The following MARK4 variants were observed in gnomAD, a reference collection of about 807,000 sequenced individuals.
MARK4 encodes microtubule affinity regulating kinase 4.
In MARK4, 19 loss-of-function variants were observed where a neutral mutation model predicts 81.5. That is an observed-to-expected ratio of 0.23 (90% CI 0.16 to 0.34). MARK4 has a LOEUF of 0.34. MARK4 is among the 10% of genes least tolerant of loss of function. MARK4 has a pLI of 1.00. For synonymous variants in MARK4, 436 were observed against 439.0 expected, an observed-to-expected ratio of 0.99 and a Z score of 0.08; for missense variants, 772 against 1,058.8, an observed-to-expected ratio of 0.73 and a Z score of 3.76.
At chr19:45,254,153 C>T (rs1434135825) in intron 1 of MARK4, among the ~76,000 whole-genome samples, 1 of 152,160 alleles carries the variant, frequency 6.6e-6, no homozygotes, top group Non-Finnish European at 1.5e-5. Context: ...GGCCCCCCAC[C>T]AGGGGGCCAG....
chr19:45,251,539 A>AGCCCCC lies in MARK4; in HGVS notation c.-50_-49insGCCCCC. The AGCCCCC allele has an allele frequency of 3.8e-6, 1 of 263,200 alleles. No homozygotes were observed. The highest frequency in any genetic ancestry group is 3.2e-5 in the South Asian group (1 of 31,382). 16.3% of individuals were successfully genotyped at this position (263,200 alleles called of 1,614,324 possible). On this transcript the variant is annotated 5_prime_UTR_variant, in exon 1 of 17. Coordinates refer to ENST00000262891, the MANE Select transcript of MARK4 (RefSeq NM_001199867.2). ...GGAGGGGAAGAGAGGGGACCCTGGG[A>AGCCCCC]CCCCCGCCCCCCCCACCCGGCCGCC... is the stretch of plus-strand genomic sequence containing the variant.
At chr19:45,269,662 A>C (rs1416926581) in intron 7 of MARK4, among the ~76,000 whole-genome samples, 5 of 152,094 alleles carry the variant, frequency 3.3e-5, no homozygotes, top group African/African-American at 1.2e-4. Context: ...AGAAGGCTGG[A>C]GGCTTCTTCC....
chr19:45,271,385 A>G lies in MARK4; in HGVS notation c.550-87A>G. 2 of 1,343,104 alleles carry G rather than the reference A, an allele frequency of 1.5e-6. No individual in the cohort carries two copies. Among genetic ancestry groups the G allele is most frequent in the Non-Finnish European group, 2.1e-6 (2 of 952,058 alleles). The allele number at this position is 1,343,104 out of a possible 1,614,324, so 83.2% of individuals were successfully genotyped here. ...GAGTTGATCCCTGTGGGCCAGCCCT[A>G]GAGCCTGTGCTCCTGTCTGCCTCCC... On this transcript the variant is annotated intron_variant, in intron 7 of 16. Transcript: ENST00000262891. The surrounding 1 kb of genome is among the most constrained non-coding windows in gnomAD (Gnocchi z 4.1).
chr19:45,251,964 C>T (rs554172140), intron 1 of MARK4, among the ~76,000 whole-genome samples: 26 of 152,086 alleles, frequency 1.7e-4, no homozygotes, highest in South Asian at 6.2e-4. Context: ...AAGCCGTTTC[C>T]CCTCCAGGCC....
rs535197807 is a variant in MARK4 at position 45,255,798 on chromosome 19, C to T, written c.52-3191C>T. On this transcript the variant is annotated intron_variant, in intron 1 of 16. Transcript: ENST00000262891. ...GCCTCTTGGCCTTTCTTCCTCCCCTCCTGTTGTCCTCCTGCTTCCCACTCC... is the reference window on the plus strand; with the variant it reads ...GCCTCTTGGCCTTTCTTCCTCCCCTTCTGTTGTCCTCCTGCTTCCCACTCC... 2.9e-3 allele frequency among the ~76,000 whole-genome samples: 446 copies of T among 152,358 alleles called. 4 individuals carry two copies. Among genetic ancestry groups the T allele is most frequent in the African/African-American group, 0.01 (420 of 41,592 alleles).
intron 16 of MARK4, among the ~76,000 whole-genome samples, chr19:45,301,766 A>G (rs1304535464): frequency 6.7e-6 from 1 of 149,226 alleles, no homozygotes; most frequent in African/African-American, 2.5e-5. Flanking sequence ...TCAGGAGGCT[A>G]TGGCAGGAGA....
chr19:45,262,402 A>G (rs1177481562), intron 2 of MARK4, among the ~76,000 whole-genome samples: 1 of 152,170 alleles, frequency 6.6e-6, no homozygotes, highest in Non-Finnish European at 1.5e-5. Flanking sequence ...CCTAGCACTT[A>G]TCTCACAGGT....
chr19:45,291,529 TC>T (rs746297613), intron 13 of MARK4, among the ~76,000 whole-genome samples: 43 of 152,184 alleles, frequency 2.8e-4, no homozygotes, highest in Non-Finnish European at 5.0e-4. Flanking sequence ...ACGCCTGTAA[TC>T]CCAGCACTTT....
intron 1 of MARK4, among the ~76,000 whole-genome samples, chr19:45,254,884 T>A (rs1970287929): frequency 6.6e-6 from 1 of 152,146 alleles, no homozygotes; most frequent in Non-Finnish European, 1.5e-5. Flanking sequence ...CAGGACTTGG[T>A]CCATAGCATG....
At position 45,302,610 on chromosome 19, in the gene MARK4, C is replaced by T; in HGVS notation, c.2159C>T (p.Pro720Leu). The T allele has an allele frequency of 1.3e-6, 2 of 1,558,872 alleles. No individual in the cohort carries two copies. The highest frequency in any genetic ancestry group is 1.7e-6 in the Non-Finnish European group (2 of 1,159,268). The change falls in exon 17 of 17, where the codon CCC becomes CTC. Residue 720 changes from proline to leucine, a missense_variant. Coordinates refer to ENST00000262891, the MANE Select transcript of MARK4 (RefSeq NM_001199867.2). The surrounding 1 kb of genome is among the most constrained non-coding windows in gnomAD (Gnocchi z 4.9). ...SHFEVEVCQL[P>L]RPGLRGVLFR... is the part of the protein sequence containing the mutation. ...TTCGAAGTGGAGGTCTGCCAGCTGC[C>T]CCGGCCAGGCTTGCGGGGAGTTCTC... is the stretch of plus-strand genomic sequence containing the variant.
At chr19:45,252,644 C>T (rs1599774156) in intron 1 of MARK4, among the ~76,000 whole-genome samples, 1 of 152,282 alleles carries the variant, frequency 6.6e-6, no homozygotes, top group Non-Finnish European at 1.5e-5. Flanking sequence ...TCCTCAGCTA[C>T]AGGGCCTGGC....
chr19:45,260,112 G>C (rs766540070), intron 2 of MARK4, among the ~76,000 whole-genome samples: 4 of 151,628 alleles, frequency 2.6e-5, no homozygotes, highest in Admixed American at 2.6e-4. Context: ...TTAAAAGGCC[G>C]TGCGCGGTGG....
chr19:45,274,353 G>A (rs866604554), intron 8 of MARK4, among the ~76,000 whole-genome samples: 7 of 152,104 alleles, frequency 4.6e-5, no homozygotes, highest in African/African-American at 1.2e-4. Context: ...CCTTCTGGCC[G>A]GGCACGGTGG....
rs1222744789 is a variant in MARK4, at chr19:45,304,901, T to G, written c.*2191T>G. 6.6e-6 allele frequency: 1 copy of G among 152,258 alleles called. No individual in the cohort carries two copies. The highest frequency in any genetic ancestry group is 1.5e-5 in the Non-Finnish European group (1 of 68,126). The allele number at this position is 152,258 out of a possible 1,614,324, so 9.4% of individuals were successfully genotyped here. A position where few individuals can be genotyped will look rare whatever the true frequency, so the allele number is the denominator to read the frequency against. On this transcript the variant is annotated 3_prime_UTR_variant, in exon 17 of 17. Transcript: ENST00000262891. ...TGTGACTTTGTAAGTGTAGAATTGC[T>G]GTGAGGTATGGGGCTAGGGGCGTCA... is the stretch of plus-strand genomic sequence containing the variant.
intron 12 of MARK4, among the ~76,000 whole-genome samples, chr19:45,281,560 C>T (rs1462629653): frequency 6.6e-6 from 1 of 151,900 alleles, no homozygotes; most frequent in African/African-American, 2.4e-5. Flanking sequence ...AGGGTTTCAC[C>T]ATGTTGGCCA....
chr19:45,273,222 T>C (rs1268274403), intron 8 of MARK4, among the ~76,000 whole-genome samples: 1 of 152,136 alleles, frequency 6.6e-6, no homozygotes, highest in African/African-American at 2.4e-5. Context: ...ACACATGGTA[T>C]GTTTCAGGAG....
chr19:45,300,578 G>A (rs1008656382), intron 16 of MARK4, among the ~76,000 whole-genome samples: 5 of 152,128 alleles, frequency 3.3e-5, no homozygotes, highest in Non-Finnish European at 7.3e-5. Context: ...TAGTGCAAAA[G>A]CAGTCATATT....
chr19:45,277,823 T>TTGTGTGTGTGTGTGTGTG (rs58592372), intron 8 of MARK4, 100 bp from the exon 9 acceptor site: 1 of 709,436 alleles, frequency 1.4e-6, no homozygotes, highest in Admixed American at 3.9e-5. Context: ...GGGACAAAGG[T>TTGTGTGTGTGTGTGTGTG]TGTGTGTGTG....
intron 2 of MARK4, among the ~76,000 whole-genome samples, chr19:45,262,580 G>A (rs1055091524): frequency 8.5e-5 from 13 of 152,148 alleles, no homozygotes; most frequent in African/African-American, 2.9e-4. Flanking sequence ...TCAAGGTCTC[G>A]TCCATGCCCA....
Sources: gnomAD v4.1 joint callset for allele counts (sites outside exome capture counted in the v4.1 genomes callset) on GRCh38, gnomAD v4.1.1 for gene constraint, Gnocchi (gnomAD v3.1) non-coding constraint, MANE v1.5 for transcripts, NCBI Gene and HGNC (gene_info 2026-07-23, HGNC 2026-07-21) for gene names.